The following MSL2 variants were observed in gnomAD, a reference collection of about 807,000 sequenced individuals.
MSL2 encodes the protein MSL complex subunit 2.
In MSL2, 2 loss-of-function variants were observed where a neutral mutation model predicts 35.8. That is an observed-to-expected ratio of 0.06 (90% CI 0.02 to 0.18). The LOEUF (loss-of-function observed/expected upper bound fraction) is 0.18. Among genes scored for constraint, MSL2 ranks in the 10% least tolerant of loss-of-function variants. The pLI, the probability that MSL2 is intolerant of heterozygous loss-of-function variation, is 1.00. For synonymous variants in MSL2, 296 were observed against 255.7 expected, an observed-to-expected ratio of 1.16 and a Z score of -1.50; for missense variants, 523 against 706.7, an observed-to-expected ratio of 0.74 and a Z score of 2.95.
chr3:136,178,557 G>C (rs2108083443), intron 1 of MSL2, among the ~76,000 whole-genome samples: 1 of 144,836 alleles, frequency 6.9e-6, no homozygotes, highest in Non-Finnish European at 1.5e-5. Context: ...TTTTGAGACA[G>C]GGTCTCACTC....
intron 1 of MSL2, among the ~76,000 whole-genome samples, chr3:136,166,675 TAA>T (rs927908711): frequency 1.2e-4 from 19 of 152,278 alleles, no homozygotes; most frequent in Admixed American, 4.6e-4. Context: ...TGAAGCAGCA[TAA>T]GTTTGAGAGG....
chr3:136,162,087 C>T (rs910039516), intron 1 of MSL2, among the ~76,000 whole-genome samples: 4 of 151,544 alleles, frequency 2.6e-5, no homozygotes, highest in East Asian at 2.0e-4. Context: ...TACAGGTGCC[C>T]GCCACCACGC....
intron 1 of MSL2, among the ~76,000 whole-genome samples, chr3:136,190,698 G>A (rs1164576207): frequency 6.6e-6 from 1 of 152,074 alleles, no homozygotes; most frequent in Non-Finnish European, 1.5e-5. Context: ...CATTTGAAGA[G>A]TTACAAGTTT....
chr3:136,189,542 G>C (rs1194070433), intron 1 of MSL2, among the ~76,000 whole-genome samples: 1 of 150,202 alleles, frequency 6.7e-6, no homozygotes, highest in East Asian at 2.0e-4. Flanking sequence ...GGCTAACACA[G>C]TGAAACCCCT....
At chr3:136,154,644 CA>C (rs1457682647) in intron 1 of MSL2, among the ~76,000 whole-genome samples, 2 of 151,660 alleles carry the variant, frequency 1.3e-5, no homozygotes, top group Non-Finnish European at 2.9e-5. Flanking sequence ...AAGCCAAAAA[CA>C]TCATAAGAGA....
In MSL2 at chr3:136,195,225, C is replaced by A; in HGVS notation, c.-112G>T. ...GCAACAATTCGGAAGAAATCAGAGC[C>A]GAACCATTGGCCAAACAAGTAACCA... On this transcript the variant is annotated 5_prime_UTR_variant, in exon 1 of 2. Coordinates refer to ENST00000309993, the MANE Select transcript of MSL2 (RefSeq NM_018133.4). The A allele has an allele frequency of 6.6e-7, 1 of 1,514,274 alleles. No homozygotes were observed. The highest frequency in any genetic ancestry group is 8.8e-7 in the Non-Finnish European group (1 of 1,135,690). The allele number at this position is 1,514,274 out of a possible 1,614,324, so 93.8% of individuals were successfully genotyped here. A position where few individuals can be genotyped will look rare whatever the true frequency, so the allele number is the denominator to read the frequency against.
Position 136,195,243 on chromosome 3 carries a change from A to T in MSL2, c.-130T>A. 2 of 1,500,368 alleles carry T rather than the reference A, an allele frequency of 1.3e-6. No homozygotes were observed. Among genetic ancestry groups the T allele is most frequent in the Non-Finnish European group, 1.8e-6 (2 of 1,129,946 alleles). 92.9% of individuals were successfully genotyped at this position (1,500,368 alleles called of 1,614,324 possible). On this transcript the variant is annotated 5_prime_UTR_variant, in exon 1 of 2. In the 5' UTR this introduces an upstream ATG that the reference lacks. Coordinates refer to ENST00000309993, the MANE Select transcript of MSL2 (RefSeq NM_018133.4). ...TCAGAGCCGAACCATTGGCCAAACA[A>T]GTAACCAAAATCCGTGCAAGTTTGT...
intron 1 of MSL2, among the ~76,000 whole-genome samples, chr3:136,176,093 A>G (rs1940165809): frequency 6.6e-6 from 1 of 152,242 alleles, no homozygotes. Context: ...TATACCATAA[A>G]AAGTTAGTAT....
intron 1 of MSL2, among the ~76,000 whole-genome samples, chr3:136,189,600 T>A (rs1388330596): frequency 6.6e-6 from 1 of 150,862 alleles, no homozygotes. Context: ...GGCGGGTGCC[T>A]GCAGTCCCAG....
At chr3:136,192,138 G>T (rs546500217) in intron 1 of MSL2, among the ~76,000 whole-genome samples, 36 of 152,290 alleles carry the variant, frequency 2.4e-4, no homozygotes, top group African/African-American at 8.7e-4. Flanking sequence ...CTTATGACTG[G>T]AACAAAGGTT....
Position 136,195,731 on chromosome 3 carries a change from G to C in MSL2, c.-618C>G, listed in dbSNP as rs1244107504. The C allele has an allele frequency of 1.1e-5, 11 of 984,716 alleles. No homozygotes were observed. In the East Asian group the frequency reaches 1.0e-3, roughly 92 times the overall value. 61.0% of individuals were successfully genotyped at this position (984,716 alleles called of 1,614,324 possible). A position where few individuals can be genotyped will look rare whatever the true frequency, so the allele number is the denominator to read the frequency against. ...CGCCGCCGCGCTCTCCATATCGGACGCGGGGCCCAGACTGCGCCCTGGCTC... is the reference window on the plus strand; with the variant it reads ...CGCCGCCGCGCTCTCCATATCGGACCCGGGGCCCAGACTGCGCCCTGGCTC... On this transcript the variant is annotated 5_prime_UTR_variant, in exon 1 of 2. Coordinates refer to ENST00000309993, the MANE Select transcript of MSL2 (RefSeq NM_018133.4).
intron 1 of MSL2, among the ~76,000 whole-genome samples, chr3:136,156,468 A>G (rs1418271449): frequency 1.3e-5 from 2 of 152,240 alleles, no homozygotes; most frequent in African/African-American, 4.8e-5. Flanking sequence ...AGAAAGCTAT[A>G]TAAGACAAGG....
chr3:136,168,376 A>G (rs1157910180), intron 1 of MSL2, among the ~76,000 whole-genome samples: 1 of 152,224 alleles, frequency 6.6e-6, no homozygotes, highest in Non-Finnish European at 1.5e-5. Context: ...ATACTCAAAA[A>G]AATTACTGGA....
In MSL2 at chr3:136,152,525, A is replaced by G; in HGVS notation, c.356T>C (p.Ile119Thr). ...YITQTTLARD[I>T]IEAVDCSSDI... ...AGAAGAACAGTCAACTGCTTCTATT[A>G]TATCCCGTGCCAGTGTAGTCTGTGT... is the stretch of plus-strand genomic sequence containing the variant. Residue 119 changes from isoleucine to threonine, a missense_variant, in exon 2 of 2, where the codon ATA (isoleucine) becomes ACA (threonine). Physicochemically the swap from Ile to Thr is moderately conservative, Grantham distance 89 (BLOSUM62 -1). This residue lies in a region of MSL2 where 361 missense variants were observed against 414.6 expected (regional missense o/e 0.87). Coordinates refer to ENST00000309993, the MANE Select transcript of MSL2 (RefSeq NM_018133.4). The G allele has an allele frequency of 6.2e-7, 1 of 1,614,210 alleles. No individual in the cohort carries two copies. Among genetic ancestry groups the G allele is most frequent in the Non-Finnish European group, 8.5e-7 (1 of 1,180,038 alleles).
intron 1 of MSL2, among the ~76,000 whole-genome samples, chr3:136,185,508 TG>T (rs1231070967): frequency 7.4e-6 from 1 of 134,668 alleles, no homozygotes; most frequent in African/African-American, 2.9e-5. Flanking sequence ...CAGAATAACT[TG>T]GGACACAACT....
chr3:136,187,924 G>A (rs537643051), intron 1 of MSL2, among the ~76,000 whole-genome samples: 249 of 152,078 alleles, frequency 1.6e-3, no homozygotes, highest in South Asian at 3.9e-3. Flanking sequence ...GATTCAGGTG[G>A]CCTGTAGAAC....
chr3:136,152,240 T>C lies in MSL2; in HGVS notation c.641A>G (p.His214Arg), dbSNP rs1292665006. The C allele has an allele frequency of 6.2e-7, 1 of 1,614,166 alleles. No individual in the cohort carries two copies. Among genetic ancestry groups the C allele is most frequent in the Non-Finnish European group, 8.5e-7 (1 of 1,180,002 alleles). ...ATTACATACGTCAATCGTATTTGAATGTTCAGGTGAAGGAATATTTATACC... is the reference window on the plus strand; with the variant it reads ...ATTACATACGTCAATCGTATTTGAACGTTCAGGTGAAGGAATATTTATACC... ...RFGINIPSPE[H>R]SNTIDVCNTV... The change falls in exon 2 of 2, where the codon CAT becomes CGT. Residue 214 changes from histidine to arginine, a missense_variant. This residue lies in a region of MSL2 where 361 missense variants were observed against 414.6 expected (regional missense o/e 0.87). Transcript: ENST00000309993.
intron 1 of MSL2, among the ~76,000 whole-genome samples, chr3:136,175,604 T>TA (rs1940150801): frequency 6.6e-6 from 1 of 151,954 alleles, no homozygotes; most frequent in African/African-American, 2.4e-5. Flanking sequence ...GGAGGATCAT[T>TA]AGAGTCCAGG....
At chr3:136,180,788 G>GGAAGGAAGGAA (rs1559969190) in intron 1 of MSL2, among the ~76,000 whole-genome samples, 7 of 44,190 alleles carry the variant, frequency 1.6e-4, no homozygotes, top group Non-Finnish European at 2.9e-4. Context: ...GAGGGAGGGA[G>GGAAGGAAGGAA]GGAGGGAGGG....
Sources: gnomAD v4.1 joint callset for allele counts (sites outside exome capture counted in the v4.1 genomes callset) on GRCh38, gnomAD v4.1.1 for gene constraint, gnomAD v4.1.1 regional missense constraint, MANE v1.5 for transcripts, NCBI Gene and HGNC (gene_info 2026-07-23, HGNC 2026-07-21) for gene names.